The following TOR1A variants were observed in gnomAD, a reference collection of about 807,000 sequenced individuals.
TOR1A encodes torsin-1A.
A neutral mutation model predicts 31.4 loss-of-function variants in TOR1A; 18 were observed. The ratio of observed to expected loss-of-function variants is 0.57; its 90% CI spans 0.40 to 0.85. The LOEUF (loss-of-function observed/expected upper bound fraction) is 0.85. Ranked by LOEUF, TOR1A falls within the 40% of genes least tolerant of loss-of-function variation. The pLI, the probability that TOR1A is intolerant of heterozygous loss-of-function variation, is 0.00. For synonymous variants in TOR1A, 168 were observed against 165.9 expected (o/e 1.01, Z -0.10); for missense variants, 375 against 416.4 (o/e 0.90, Z 0.87).
At chr9:129,823,763 C>A in intron 1 of TOR1A, 145 bp downstream of exon 1, 2 of 1,052,408 alleles carry the variant, frequency 1.9e-6, no homozygotes, top group Non-Finnish European at 2.7e-6. Flanking sequence ...CCCCCAGGCC[C>A]CGCTCCAGCC....
Position 129,824,055 on chromosome 9 carries a change from G to C in TOR1A, c.31C>G (p.Leu11Val). 6.2e-7 allele frequency: 1 copy of C among 1,600,982 alleles called. No homozygotes were observed. The change falls in exon 1 of 5, where the codon CTG becomes GTG. Residue 11 changes from leucine (L) to valine (V), a missense_variant. By Grantham distance (32) the Leu-to-Val change is conservative (BLOSUM62 1). Coordinates refer to ENST00000351698, the MANE Select transcript of TOR1A (RefSeq NM_000113.3). ...TGCACCACGGACGGCGCCAGCAGCA[G>C]CAGGCCCAGCACGGCCCGGCCCAGC... MKLGRAVLGLLLLAPSVVQAV... is the reference protein window; with the variant it reads MKLGRAVLGLVLLAPSVVQAV...
At chr9:129,815,649 C>G (rs577644681) in intron 4 of TOR1A, among the ~76,000 whole-genome samples, 2 of 152,294 alleles carry the variant, frequency 1.3e-5, no homozygotes, top group African/African-American at 2.4e-5. Flanking sequence ...CTGAGGACTC[C>G]CAAGTTTGCC....
At position 129,813,286 on chromosome 9, in the gene TOR1A, A is replaced by T. The variant is rs2030942157; in HGVS notation, c.*686T>A. ...GGCCAAAATCACTCCCACAGCTCCC[A>T]TTGTTGCTAAGGTGAAAACCCTTGG... On this transcript the variant is annotated 3_prime_UTR_variant, in exon 5 of 5. Coordinates refer to ENST00000351698, the MANE Select transcript of TOR1A (RefSeq NM_000113.3). The T allele has an allele frequency of 6.5e-6, 1 of 153,158 alleles. No individual in the cohort carries two copies. Among genetic ancestry groups the T allele is most frequent in the Admixed American group, 6.5e-5 (1 of 15,410 alleles). 9.5% of individuals were successfully genotyped at this position (153,158 alleles called of 1,614,324 possible).
intron 1 of TOR1A, 117 bp downstream of exon 1, chr9:129,823,791 C>G: frequency 7.6e-7 from 1 of 1,312,522 alleles, no homozygotes; most frequent in South Asian, 1.3e-5. Flanking sequence ...TAGCCCGGCC[C>G]TGGTGCCATC....
chr9:129,813,671 G>GA lies in TOR1A; in HGVS notation c.*300dup. 1 of 479,242 alleles carries GA rather than the reference G, an allele frequency of 2.1e-6. No homozygotes were observed. The highest frequency in any genetic ancestry group is 3.8e-6 in the Non-Finnish European group (1 of 265,060). 29.7% of individuals were successfully genotyped at this position (479,242 alleles called of 1,614,324 possible). A position where few individuals can be genotyped will look rare whatever the true frequency, so the allele number is the denominator to read the frequency against. Reference sequence around the variant, plus strand: ...AACTTATTCATCCTTCCTTGAAACAGAAACACTTGGAATTAAAACATAATT... The same window carrying GA: ...AACTTATTCATCCTTCCTTGAAACAGAAAACACTTGGAATTAAAACATAATT... On this transcript the variant is annotated 3_prime_UTR_variant, in exon 5 of 5. Coordinates refer to ENST00000351698, the MANE Select transcript of TOR1A (RefSeq NM_000113.3).
intron 1 of TOR1A, 96 bp from the exon 2 acceptor site, chr9:129,822,942 C>T: frequency 2.5e-6 from 4 of 1,572,350 alleles, no homozygotes; most frequent in African/African-American, 2.7e-5. Context: ...GCCGTCTAGA[C>T]GCCCTCCAAG....
chr9:129,818,979 CCTT>C (rs894856567), intron 2 of TOR1A, 59 bp from the exon 3 acceptor site: 1 of 1,578,908 alleles, frequency 6.3e-7, no homozygotes, highest in Non-Finnish European at 8.6e-7. Context: ...TCAATCAGCT[CCTT>C]CTACCACTAA....
intron 2 of TOR1A, chr9:129,822,240 G>A (rs912085160): frequency 1.4e-5 from 5 of 362,630 alleles, no homozygotes; most frequent in Middle Eastern, 9.8e-4. Flanking sequence ...ACTCCAGCCC[G>A]GGTAAGAAGA....
intron 2 of TOR1A, among the ~76,000 whole-genome samples, chr9:129,819,482 A>C (rs1414971500): frequency 6.6e-6 from 1 of 151,906 alleles, no homozygotes; most frequent in Non-Finnish European, 1.5e-5. Flanking sequence ...AGGGCCAGGC[A>C]TGGTGGTTCA....
chr9:129,822,977 C>T (rs1256457861), intron 1 of TOR1A, 131 bp from the exon 2 acceptor site: 11 of 1,310,632 alleles, frequency 8.4e-6, no homozygotes, highest in African/African-American at 1.5e-5. Context: ...TCAAGTACTG[C>T]GGTCTGTAAG....
At chr9:129,823,224 G>A in intron 1 of TOR1A, 1 of 356,262 alleles carries the variant, frequency 2.8e-6, no homozygotes, top group Non-Finnish European at 5.4e-6. Context: ...CCTGTCTCCC[G>A]CTAGGCTAGA....
intron 2 of TOR1A, 104 bp downstream of exon 2, chr9:129,822,477 C>T: frequency 6.7e-7 from 1 of 1,489,422 alleles, no homozygotes; most frequent in Non-Finnish European, 9.3e-7. Context: ...GAACCGTTTT[C>T]CGGGCTCACT....
chr9:129,823,370 C>G, intron 1 of TOR1A: 1 of 281,358 alleles, frequency 3.6e-6, no homozygotes, highest in South Asian at 3.5e-5. Flanking sequence ...GCCGAGGAGC[C>G]AGGCCTCATC....
At position 129,814,195 on chromosome 9, in the gene TOR1A, T is replaced by C. The variant is rs2030973252; in HGVS notation, c.776A>G (p.Asp259Gly). ...NSGFWHSSLI[D>G]RNLIDYFVPF... ...AACAAAATAATCAATGAGGTTCCGG[T>C]CAATTAAGCTGCTGTGCCAGAAGCC... The change falls in exon 5 of 5, where the codon GAC becomes GGC. Residue 259 changes from aspartate (D) to glycine (G), a missense_variant. Coordinates refer to ENST00000351698, the MANE Select transcript of TOR1A (RefSeq NM_000113.3). 1 of 1,614,054 alleles carries C rather than the reference T, an allele frequency of 6.2e-7. No homozygotes were observed. Among genetic ancestry groups the C allele is most frequent in the Admixed American group, 1.7e-5 (1 of 59,998 alleles).
chr9:129,822,190 G>A lies in TOR1A; in HGVS notation c.444+391C>T, dbSNP rs932235033. The A allele has an allele frequency of 1.5e-4, 49 of 319,258 alleles. 1 individual carries two copies. Among genetic ancestry groups the A allele is most frequent in the Admixed American group, 9.2e-4 (20 of 21,692 alleles). 19.8% of individuals were successfully genotyped at this position (319,258 alleles called of 1,614,324 possible). ...CTGAGGCAGGATAATTGCTTCAACCGGGAGGCAGAGGTTGCAGTGAGCTGA... is the reference window on the plus strand; with the variant it reads ...CTGAGGCAGGATAATTGCTTCAACCAGGAGGCAGAGGTTGCAGTGAGCTGA... On this transcript the variant is annotated intron_variant, in intron 2 of 4. Coordinates refer to ENST00000351698, the MANE Select transcript of TOR1A (RefSeq NM_000113.3).
intron 4 of TOR1A, 162 bp downstream of exon 4, chr9:129,818,358 G>C: frequency 1.9e-6 from 2 of 1,075,144 alleles, no homozygotes; most frequent in Non-Finnish European, 2.8e-6. Flanking sequence ...GTTACCTGGA[G>C]TTCATCAGCA....
In TOR1A at chr9:129,823,995, C is replaced by T. The variant is rs769016356; in HGVS notation, c.91G>A (p.Ala31Thr). 6.8e-6 allele frequency: 11 copies of T among 1,611,258 alleles called. No individual in the cohort carries two copies. In the Admixed American group the frequency reaches 1.8e-4, roughly 27 times the overall value. Residue 31 changes from alanine (A) to threonine (T), a missense_variant, in exon 1 of 5, where the codon GCC becomes ACC. Transcript: ENST00000351698. ...TAGATGTAGCCGGTGAGGACGCCGGCCAGGGCCAGTCCCAGGCTGATGGGC... is the reference window on the plus strand; with the variant it reads ...TAGATGTAGCCGGTGAGGACGCCGGTCAGGGCCAGTCCCAGGCTGATGGGC... ...VEPISLGLAL[A>T]GVLTGYIYPR...
intron 4 of TOR1A, among the ~76,000 whole-genome samples, chr9:129,815,818 C>T (rs1484203663): frequency 6.6e-6 from 1 of 152,172 alleles, no homozygotes; most frequent in Non-Finnish European, 1.5e-5. Flanking sequence ...TTCTCTCATT[C>T]CCATATACAA....
chr9:129,818,592 T>G lies in TOR1A; in HGVS notation c.676A>C (p.Lys226Gln). 6.2e-7 allele frequency: 1 copy of G among 1,614,224 alleles called. No individual in the cohort carries two copies. The highest frequency in any genetic ancestry group is 8.5e-7 in the Non-Finnish European group (1 of 1,180,042). ...DVALDFWRSG[K>Q]QREDIKLKDI... is the part of the protein sequence containing the mutation. ...TTGAGCTTGATGTCTTCCCTCTGCT[T>G]TCCACTCCTCCAGAAATCCAAAGCC... The change falls in exon 4 of 5, where the codon AAG becomes CAG. Residue 226 changes from lysine to glutamine, a missense_variant. Transcript: ENST00000351698.
Sources: gnomAD v4.1 joint callset for allele counts (sites outside exome capture counted in the v4.1 genomes callset) on GRCh38, gnomAD v4.1.1 for gene constraint, MANE v1.5 for transcripts, NCBI Gene and HGNC (gene_info 2026-07-23, HGNC 2026-07-21) for gene names.